Variants in DSCAM observed in about 807,000 individuals in gnomAD.
DSCAM encodes the protein cell adhesion molecule DSCAM.
DSCAM carries 47 observed loss-of-function variants against 217.7 expected under a neutral mutation model. The ratio of observed to expected loss-of-function variants is 0.22; its 90% CI spans 0.17 to 0.28. DSCAM has a LOEUF of 0.28. Ranked by LOEUF, DSCAM falls within the 10% of genes least tolerant of loss-of-function variation. DSCAM has a pLI of 1.00. For synonymous variants in DSCAM, 1,056 were observed against 1,015.3 expected (o/e 1.04, Z -0.76); for missense variants, 2,080 against 2,618.3 (o/e 0.79, Z 4.49).
intron 1 of DSCAM, among the ~76,000 whole-genome samples, chr21:40,780,447 A>ATATATATATATATATC (rs1308722522): frequency 1.4e-5 from 2 of 141,552 alleles, no homozygotes; most frequent in Admixed American, 7.8e-5. Flanking sequence ...ATATATATAT[A>ATATATATATATATATC]TCTCCTGTTA....
At chr21:40,737,742 G>A (rs2091079509) in intron 1 of DSCAM, among the ~76,000 whole-genome samples, 1 of 152,174 alleles carries the variant, frequency 6.6e-6, no homozygotes, top group South Asian at 2.1e-4. Context: ...ATCTCCGCAG[G>A]CAGAAAGAGC....
chr21:40,422,006 T>G, intron 3 of DSCAM, among the ~76,000 whole-genome samples: 1 of 152,226 alleles, frequency 6.6e-6, no homozygotes, highest in Non-Finnish European at 1.5e-5. Context: ...TCTTTTAAAC[T>G]GAATGCCTCA....
intron 3 of DSCAM, among the ~76,000 whole-genome samples, chr21:40,607,461 G>C (rs1439807236): frequency 2.2e-5 from 3 of 136,538 alleles, no homozygotes; most frequent in African/African-American, 8.4e-5. Flanking sequence ...CATCTTTTTA[G>C]AAAGCGATAT....
At chr21:40,334,142 C>T (rs1456515319) in intron 8 of DSCAM, among the ~76,000 whole-genome samples, 1 of 152,090 alleles carries the variant, frequency 6.6e-6, no homozygotes, top group Non-Finnish European at 1.5e-5. Context: ...TGCACAAAGT[C>T]CCCTGAGGGT....
At chr21:40,243,341 T>A (rs1411055531) in intron 11 of DSCAM, among the ~76,000 whole-genome samples, 1 of 152,240 alleles carries the variant, frequency 6.6e-6, no homozygotes, top group Non-Finnish European at 1.5e-5. Context: ...TTGATTGGAT[T>A]GTTTTGCTTT....
Position 40,780,111 on chromosome 21 carries a change from T to C in DSCAM, c.43+66508A>G, listed in dbSNP as rs1434817077. On this transcript the variant is annotated intron_variant, in intron 1 of 32. Transcript: ENST00000400454. ...GCAGATGTAGATGTCATCGTCTCCA[T>C]TTGAATGTCAAGGAAGCAGAGCCAG... Among the ~76,000 whole-genome samples the C allele has an allele frequency of 5.9e-5, 9 of 152,256 alleles. No individual in the cohort carries two copies. In the South Asian group the frequency reaches 1.9e-3, roughly 32 times the overall value.
At chr21:40,335,836 C>T (rs116902399) in intron 8 of DSCAM, among the ~76,000 whole-genome samples, 2,968 of 152,188 alleles carry the variant, frequency 0.02, 33 homozygotes, top group Middle Eastern at 0.044. Context: ...GTGCTGTTTG[C>T]CTTTCTCATG....
intron 1 of DSCAM, among the ~76,000 whole-genome samples, chr21:40,812,464 C>T (rs1208454156): frequency 6.6e-6 from 1 of 152,182 alleles, no homozygotes; most frequent in African/African-American, 2.4e-5. Context: ...CAAGAAATCA[C>T]ACCATGGCTC....
intron 3 of DSCAM, among the ~76,000 whole-genome samples, chr21:40,433,224 A>G (rs565100464): frequency 6.6e-6 from 1 of 151,642 alleles, no homozygotes; most frequent in South Asian, 2.1e-4. Context: ...CGGGCATGGT[A>G]GGTAGTCCCA....
intron 3 of DSCAM, among the ~76,000 whole-genome samples, chr21:40,413,208 C>A (rs184199723): frequency 1.2e-4 from 18 of 152,214 alleles, no homozygotes; most frequent in Admixed American, 1.1e-3. Context: ...AGAGTCCCCA[C>A]ACAGAGTACC....
At chr21:40,292,243 T>C (rs1183476272) in intron 10 of DSCAM, among the ~76,000 whole-genome samples, 2 of 150,634 alleles carry the variant, frequency 1.3e-5, no homozygotes, top group Non-Finnish European at 2.9e-5. Flanking sequence ...ATAGCTACCT[T>C]TAAACTGCAG....
intron 8 of DSCAM, among the ~76,000 whole-genome samples, chr21:40,322,788 G>C (rs1426436405): frequency 6.6e-6 from 1 of 152,328 alleles, no homozygotes; most frequent in Non-Finnish European, 1.5e-5. Context: ...GCCTCCCAAA[G>C]TGCTGGGATT....
intron 10 of DSCAM, among the ~76,000 whole-genome samples, chr21:40,282,486 G>A (rs1237939046): frequency 6.7e-6 from 1 of 150,346 alleles, no homozygotes; most frequent in Non-Finnish European, 1.5e-5. Context: ...AGCTACTAGG[G>A]AGGCTGAGGC....
At chr21:40,509,686 T>C (rs557540349) in intron 3 of DSCAM, among the ~76,000 whole-genome samples, 1 of 152,238 alleles carries the variant, frequency 6.6e-6, no homozygotes, top group Non-Finnish European at 1.5e-5. Context: ...AGAACTCATA[T>C]GTAATCACAT....
chr21:40,074,018 A>G (rs559782996), intron 27 of DSCAM, among the ~76,000 whole-genome samples: 8 of 152,242 alleles, frequency 5.3e-5, no homozygotes, highest in African/African-American at 1.9e-4. Flanking sequence ...CCAGAATTCC[A>G]TAAAAAGCAG....
chr21:40,290,593 C>G (rs577262529), intron 10 of DSCAM, among the ~76,000 whole-genome samples: 1 of 152,228 alleles, frequency 6.6e-6, no homozygotes, highest in Admixed American at 6.5e-5. Context: ...TGCACTCCAG[C>G]CTGGGCAACA....
At chr21:40,405,052 C>T (rs144832755) in intron 3 of DSCAM, among the ~76,000 whole-genome samples, 29 of 152,144 alleles carry the variant, frequency 1.9e-4, no homozygotes, top group Middle Eastern at 3.4e-3. Context: ...AGCTGGCTCC[C>T]GTATAACAGA....
intron 20 of DSCAM, among the ~76,000 whole-genome samples, chr21:40,116,628 A>C (rs1422018008): frequency 6.6e-6 from 1 of 151,978 alleles, no homozygotes; most frequent in Non-Finnish European, 1.5e-5. Flanking sequence ...CATGTGCGTA[A>C]ATGGAATACA....
At chr21:40,485,875 T>C (rs2076024048) in intron 3 of DSCAM, among the ~76,000 whole-genome samples, 1 of 152,172 alleles carries the variant, frequency 6.6e-6, no homozygotes, top group African/African-American at 2.4e-5. Context: ...ACACACAGTC[T>C]GAAATTTACC....
Sources: allele counts gnomAD v4.1 joint callset (sites outside exome capture counted in the v4.1 genomes callset), GRCh38; gene constraint gnomAD v4.1.1; transcripts MANE v1.5; gene names NCBI Gene and HGNC (gene_info 2026-07-23, HGNC 2026-07-21).